BMP5: variants seen among roughly 807,000 people sequenced by gnomAD.
BMP5 encodes bone morphogenetic protein 5.
BMP5 carries 23 observed loss-of-function variants against 46.6 expected under a neutral mutation model. The ratio of observed to expected loss-of-function variants is 0.49; its 90% CI spans 0.35 to 0.70. BMP5 has a LOEUF of 0.70. BMP5 is among the 30% of genes least tolerant of loss of function. The pLI, the probability that BMP5 is intolerant of heterozygous loss-of-function variation, is 0.00. For missense variants in BMP5, 545 were observed against 565.6 expected (o/e 0.96, Z 0.37); for synonymous variants, 204 against 191.9 (o/e 1.06, Z -0.52).
At chr6:55,782,018 A>G (rs1775330996) in intron 3 of BMP5, among the ~76,000 whole-genome samples, 1 of 152,102 alleles carries the variant, frequency 6.6e-6, no homozygotes. Context: ...CACCTAATAA[A>G]GAAAGTGAAA....
chr6:55,833,198 C>CCA (rs1447694406), intron 1 of BMP5, among the ~76,000 whole-genome samples: 1 of 152,160 alleles, frequency 6.6e-6, no homozygotes, highest in African/African-American at 2.4e-5. Context: ...ATGGCATTGA[C>CCA]CACAGTACAG....
At chr6:55,816,943 T>A (rs569327500) in intron 2 of BMP5, among the ~76,000 whole-genome samples, 2 of 152,046 alleles carry the variant, frequency 1.3e-5, no homozygotes, top group South Asian at 2.1e-4. Context: ...GCGAAGGACA[T>A]GAACAGACAC....
At chr6:55,859,010 T>A (rs1777468552) in intron 1 of BMP5, among the ~76,000 whole-genome samples, 2 of 152,152 alleles carry the variant, frequency 1.3e-5, no homozygotes, top group African/African-American at 4.8e-5. Context: ...GATAAATGCA[T>A]GCGGGGCTTA....
intron 6 of BMP5, among the ~76,000 whole-genome samples, chr6:55,757,868 C>T (rs1333943144): frequency 4.6e-5 from 7 of 151,840 alleles, no homozygotes; most frequent in Non-Finnish European, 7.4e-5. Context: ...TCTAGATATT[C>T]TGTCGTATTT....
intron 4 of BMP5, 43 bp downstream of exon 4, chr6:55,774,006 C>A (rs551347386): frequency 1.3e-6 from 2 of 1,597,664 alleles, no homozygotes; most frequent in African/African-American, 1.3e-5. Context: ...GCATACGACC[C>A]CATAACTCTC....
At chr6:55,802,614 G>A (rs1775876018) in intron 2 of BMP5, among the ~76,000 whole-genome samples, 1 of 151,548 alleles carries the variant, frequency 6.6e-6, no homozygotes, top group South Asian at 2.1e-4. Flanking sequence ...AGTAAAAGAA[G>A]GAAATTATAA....
intron 1 of BMP5, among the ~76,000 whole-genome samples, chr6:55,847,128 T>A (rs1777116688): frequency 6.6e-6 from 1 of 151,934 alleles, no homozygotes; most frequent in African/African-American, 2.4e-5. Flanking sequence ...AAATATAATA[T>A]TCCAAGAGAC....
At chr6:55,804,866 T>C (rs961959922) in intron 2 of BMP5, among the ~76,000 whole-genome samples, 2 of 152,208 alleles carry the variant, frequency 1.3e-5, no homozygotes, top group Admixed American at 6.5e-5. Context: ...AGGCTACTTA[T>C]AGGATGCATT....
intron 2 of BMP5, among the ~76,000 whole-genome samples, chr6:55,817,588 T>C (rs985119184): frequency 1.1e-4 from 16 of 146,756 alleles, no homozygotes; most frequent in Admixed American, 2.7e-4. Flanking sequence ...CATCACACAC[T>C]GGGGACTGTT....
intron 5 of BMP5, 27 bp from the exon 6 acceptor site, chr6:55,759,142 CACAAAAAAAAAAAAAA>C: frequency 3.3e-5 from 4 of 119,552 alleles, no homozygotes; most frequent in East Asian, 3.1e-4. Flanking sequence ...CACACACACA[CACAAAAAAAAAAAAAA>C]AAAAAAAAAA....
chr6:55,765,776 T>G (rs762054074), intron 4 of BMP5, among the ~76,000 whole-genome samples: 2 of 152,196 alleles, frequency 1.3e-5, no homozygotes, highest in Non-Finnish European at 2.9e-5. Flanking sequence ...TTTGTGTAGG[T>G]ACCAATGTGT....
At chr6:55,846,085 C>T (rs1777091419) in intron 1 of BMP5, among the ~76,000 whole-genome samples, 1 of 152,062 alleles carries the variant, frequency 6.6e-6, no homozygotes, top group East Asian at 1.9e-4. Flanking sequence ...AGGCCCCACA[C>T]AGTCTTTGAA....
At chr6:55,778,245 TG>T (rs1053659401) in intron 3 of BMP5, among the ~76,000 whole-genome samples, 2 of 151,870 alleles carry the variant, frequency 1.3e-5, no homozygotes, top group African/African-American at 4.8e-5. Flanking sequence ...GCTAAATGGA[TG>T]GGGTGGTAAT....
chr6:55,867,006 T>C (rs1323892892), intron 1 of BMP5, among the ~76,000 whole-genome samples: 1 of 152,158 alleles, frequency 6.6e-6, no homozygotes, highest in Non-Finnish European at 1.5e-5. Context: ...AAACAACCAA[T>C]GTTTATTTAT....
chr6:55,759,261 G>T, intron 5 of BMP5, 146 bp from the exon 6 acceptor site: 1 of 582,332 alleles, frequency 1.7e-6, no homozygotes, highest in Non-Finnish European at 3.0e-6. Context: ...ATCTGAATAG[G>T]TTTCTATTCT....
intron 3 of BMP5, among the ~76,000 whole-genome samples, chr6:55,789,523 T>C (rs1775526103): frequency 6.6e-6 from 1 of 152,044 alleles, no homozygotes; most frequent in Non-Finnish European, 1.5e-5. Context: ...GGAAAAATCA[T>C]TACTGTAGAT....
At chr6:55,774,767 A>C (rs1011645461) in intron 3 of BMP5, among the ~76,000 whole-genome samples, 3 of 151,986 alleles carry the variant, frequency 2.0e-5, no homozygotes, top group Non-Finnish European at 2.9e-5. Flanking sequence ...ACTAAGCTGC[A>C]CTACACTTAA....
chr6:55,773,394 T>C (rs1775091938), intron 4 of BMP5, among the ~76,000 whole-genome samples: 1 of 152,008 alleles, frequency 6.6e-6, no homozygotes, highest in African/African-American at 2.4e-5. Context: ...TTTTGGCAGT[T>C]AGATGCTTTC....
chr6:55,839,192 A>C (rs1421771555), intron 1 of BMP5, among the ~76,000 whole-genome samples: 1 of 152,150 alleles, frequency 6.6e-6, no homozygotes, highest in African/African-American at 2.4e-5. Flanking sequence ...ATTTGGGGCT[A>C]TATGAATAAA....
Sources: allele counts gnomAD v4.1 joint callset (sites outside exome capture counted in the v4.1 genomes callset), GRCh38; gene constraint gnomAD v4.1.1; transcripts MANE v1.5; gene names NCBI Gene and HGNC (gene_info 2026-07-23, HGNC 2026-07-21).